TENM2: variants seen among roughly 807,000 people sequenced by gnomAD.
TENM2 encodes teneurin transmembrane protein 2.
In TENM2, 52 loss-of-function variants were observed where a neutral mutation model predicts 245.2. That is an observed-to-expected ratio of 0.21 (90% CI 0.17 to 0.27). TENM2 has a LOEUF of 0.27. Ranked by LOEUF, TENM2 falls within the 10% of genes least tolerant of loss-of-function variation. The pLI is 1.00. For missense variants in TENM2, 3,046 were observed against 3,666.8 expected (o/e 0.83, Z 4.37); for synonymous variants, 1,363 against 1,438.9 (o/e 0.95, Z 1.19).
intron 12 of TENM2, among the ~76,000 whole-genome samples, chr5:168,145,356 T>A (rs1340383395): frequency 7.3e-6 from 1 of 136,698 alleles, no homozygotes; most frequent in South Asian, 2.7e-4. Flanking sequence ...TTGATTTTTG[T>A]ATAAGGTGTA....
intron 9 of TENM2, among the ~76,000 whole-genome samples, chr5:168,112,776 C>T (rs572118919): frequency 3.8e-4 from 58 of 152,156 alleles, no homozygotes; most frequent in Middle Eastern, 6.8e-3. Flanking sequence ...GAGGGGTCAC[C>T]GAGCTTTGTT....
At chr5:167,994,405 G>A (rs1783898447) in intron 5 of TENM2, among the ~76,000 whole-genome samples, 1 of 152,312 alleles carries the variant, frequency 6.6e-6, no homozygotes, top group Admixed American at 6.5e-5. Context: ...TCCCCAGGCA[G>A]CAAGCATGGT....
chr5:167,734,794 G>T (rs905874426), intron 2 of TENM2, among the ~76,000 whole-genome samples: 8 of 152,160 alleles, frequency 5.3e-5, no homozygotes, highest in African/African-American at 1.9e-4. Flanking sequence ...ATCCTGCACA[G>T]CAGAGGTGAT....
intron 2 of TENM2, among the ~76,000 whole-genome samples, chr5:167,688,007 C>CAGGCACTTTGAA (rs1757188835): frequency 6.6e-6 from 1 of 152,112 alleles, no homozygotes; most frequent in Non-Finnish European, 1.5e-5. Flanking sequence ...TACTCTGTGC[C>CAGGCACTTTGAA]AGGCACTTTG....
the TENM2 span, among the ~76,000 whole-genome samples, chr5:167,167,945 T>G: frequency 2.6e-5 from 4 of 152,056 alleles, 1 homozygote; most frequent in Admixed American, 1.3e-4. Flanking sequence ...ACCCACACTT[T>G]GAATCAAGAG....
chr5:167,609,504 A>AC (rs996501267), intron 2 of TENM2, among the ~76,000 whole-genome samples: 2 of 145,066 alleles, frequency 1.4e-5, no homozygotes, highest in African/African-American at 5.1e-5. Context: ...AAAAAAAAAA[A>AC]AAAAAAAACA....
chr5:167,191,244 A>G, the TENM2 span, among the ~76,000 whole-genome samples: 1 of 152,090 alleles, frequency 6.6e-6, no homozygotes, highest in Non-Finnish European at 1.5e-5. Flanking sequence ...CATACAGCAT[A>G]TATGTTATCC....
intron 2 of TENM2, among the ~76,000 whole-genome samples, chr5:167,674,477 G>C (rs1028607524): frequency 6.6e-6 from 1 of 152,094 alleles, no homozygotes; most frequent in Non-Finnish European, 1.5e-5. Flanking sequence ...CATGGAGGCA[G>C]ATATGCAAAA....
intron 2 of TENM2, among the ~76,000 whole-genome samples, chr5:167,449,986 C>A (rs1765479180): frequency 6.6e-6 from 1 of 151,992 alleles, no homozygotes; most frequent in Non-Finnish European, 1.5e-5. Context: ...GGAAATGAAG[C>A]ATTCCCTTTG....
At chr5:167,358,845 AC>A (rs1178583561) in intron 1 of TENM2, among the ~76,000 whole-genome samples, 1 of 96,344 alleles carries the variant, frequency 1.0e-5, no homozygotes, top group East Asian at 2.7e-4. Context: ...ACACACACAC[AC>A]ACACACCCTG....
At chr5:167,667,239 T>C (rs183121212) in intron 2 of TENM2, among the ~76,000 whole-genome samples, 28 of 152,282 alleles carry the variant, frequency 1.8e-4, no homozygotes, top group African/African-American at 6.5e-4. Flanking sequence ...TAGTTCACAA[T>C]GCCTTTGAGG....
At chr5:167,180,899 T>C in the TENM2 span, among the ~76,000 whole-genome samples, 46 of 150,474 alleles carry the variant, frequency 3.1e-4, no homozygotes, top group Non-Finnish European at 5.6e-4. Context: ...GTGGAGGAGG[T>C]AAAAGGGGAG....
chr5:167,169,931 G>GC, the TENM2 span, among the ~76,000 whole-genome samples: 8 of 152,112 alleles, frequency 5.3e-5, no homozygotes, highest in Non-Finnish European at 1.0e-4. Flanking sequence ...GACAGATAGG[G>GC]CCATCTATCA....
intron 2 of TENM2, among the ~76,000 whole-genome samples, chr5:167,858,536 G>A (rs1194644909): frequency 6.6e-6 from 1 of 152,162 alleles, no homozygotes; most frequent in Non-Finnish European, 1.5e-5. Context: ...TGAAAACAAC[G>A]TCAAGAGAAG....
intron 5 of TENM2, among the ~76,000 whole-genome samples, chr5:167,993,680 A>G (rs1046635174): frequency 1.3e-5 from 2 of 152,262 alleles, no homozygotes; most frequent in African/African-American, 4.8e-5. Context: ...CAGGACTGAC[A>G]GGCTGGAGCA....
In TENM2 at chr5:167,500,966, T is replaced by A. The variant is rs1769174706; in HGVS notation, c.502+125493T>A. Among the ~76,000 whole-genome samples the A allele has an allele frequency of 2.0e-5, 3 of 152,136 alleles. No individual in the cohort carries two copies. In the South Asian group the frequency reaches 6.2e-4, roughly 31 times the overall value. On this transcript the variant is annotated intron_variant, in intron 2 of 28. Coordinates refer to ENST00000518659, the Ensembl canonical transcript of TENM2. ...TTTAGCTTTAAAATCTTTAGTAAGA[T>A]TTTAAAGAACAAATTTGAGACTCCT...
intron 10 of TENM2, among the ~76,000 whole-genome samples, chr5:168,123,729 A>G (rs753598330): frequency 2.6e-5 from 4 of 152,228 alleles, no homozygotes; most frequent in Non-Finnish European, 5.9e-5. Flanking sequence ...GTGATGATAC[A>G]TCCACATTTG....
intron 2 of TENM2, among the ~76,000 whole-genome samples, chr5:167,844,248 G>A (rs536393755): frequency 6.6e-6 from 1 of 152,120 alleles, no homozygotes; most frequent in Non-Finnish European, 1.5e-5. Flanking sequence ...AAACAAGGTC[G>A]GCTTCGACCT....
Position 167,329,503 on chromosome 5 carries a change from G to A in TENM2, c.226+44440G>A, listed in dbSNP as rs982806514. Among the ~76,000 whole-genome samples, 5 of 120,764 alleles carry A rather than the reference G, an allele frequency of 4.1e-5. 1 individual carries two copies. The Admixed American group carries it at 4.8e-4, about 12-fold the overall frequency. The allele number at this position is 120,764 out of a possible 152,430, so 79.2% of individuals were successfully genotyped here. A position where few individuals can be genotyped will look rare whatever the true frequency, so the allele number is the denominator to read the frequency against. ...GGAGGTGGAACTTGCAGTGAGCCGC[G>A]ATCATGCCACTGCAATCCAGCCTGT... On this transcript the variant is annotated intron_variant, in intron 1 of 28. Transcript: ENST00000518659.
Sources: gnomAD v4.1 joint callset for allele counts (sites outside exome capture counted in the v4.1 genomes callset) on GRCh38, gnomAD v4.1.1 for gene constraint, MANE v1.5 for transcripts, NCBI Gene and HGNC (gene_info 2026-07-23, HGNC 2026-07-21) for gene names.